SDCCAG8: variants seen among roughly 807,000 people sequenced by gnomAD.
SDCCAG8 encodes SHH signaling and ciliogenesis regulator SDCCAG8.
Under a neutral mutation model 101.8 loss-of-function variants are expected in SDCCAG8, and 74 were observed. The ratio of observed to expected loss-of-function variants is 0.73; its 90% CI spans 0.60 to 0.88. SDCCAG8 has a LOEUF of 0.88. Ranked by LOEUF, SDCCAG8 falls within the 40% of genes least tolerant of loss-of-function variation. The pLI, the probability that SDCCAG8 is intolerant of heterozygous loss-of-function variation, is 0.00. For synonymous variants in SDCCAG8, 281 were observed against 292.9 expected (o/e 0.96, Z 0.41); for missense variants, 787 against 822.6 (o/e 0.96, Z 0.53).
At position 243,426,506 on chromosome 1, in the gene SDCCAG8, T is replaced by A. The variant is rs181033600; in HGVS notation, c.1933T>A (p.Leu645Met). 6.2e-7 allele frequency: 1 copy of A among 1,613,920 alleles called. No homozygotes were observed. Among genetic ancestry groups the A allele is most frequent in the African/African-American group, 1.3e-5 (1 of 75,018 alleles). The change falls in exon 16 of 18, where the codon TTG (leucine) becomes ATG (methionine). Residue 645 changes from leucine (L) to methionine (M), a missense_variant. Leu to Met is a conservative substitution (Grantham distance 15). Coordinates refer to ENST00000366541, the MANE Select transcript of SDCCAG8 (RefSeq NM_006642.5). ...LGKLQRRNEE[L>M]EEQCVQHGRV... ...AAAGTTACAGAGAAGAAATGAAGAATTGGAGGAACAGTGTGTCCAGCATGG... is the reference window on the plus strand; with the variant it reads ...AAAGTTACAGAGAAGAAATGAAGAAATGGAGGAACAGTGTGTCCAGCATGG...
rs1171575226 is a variant in SDCCAG8 at position 243,307,802 on chromosome 1, C to T, written c.741-187C>T. On this transcript the variant is annotated intron_variant, in intron 7 of 17. Coordinates refer to ENST00000366541, the MANE Select transcript of SDCCAG8 (RefSeq NM_006642.5). ...TTTATTCCAGTCTCATCATATTCAA[C>T]GTGTCAATTAGAATCACCACACCAA... 14 of 1,450,918 alleles carry T rather than the reference C, an allele frequency of 9.6e-6. No homozygotes were observed. In the South Asian group the frequency reaches 1.6e-4, roughly 17 times the overall value. The allele number at this position is 1,450,918 out of a possible 1,614,324, so 89.9% of individuals were successfully genotyped here.
At chr1:243,292,249 C>A (rs1375011316) in intron 5 of SDCCAG8, among the ~76,000 whole-genome samples, 1 of 152,106 alleles carries the variant, frequency 6.6e-6, no homozygotes, top group African/African-American at 2.4e-5. Flanking sequence ...GTCCTTTCCC[C>A]CCTTGAGGTG....
chr1:243,354,217 C>G (rs1388362285), intron 12 of SDCCAG8, among the ~76,000 whole-genome samples: 2 of 152,172 alleles, frequency 1.3e-5, no homozygotes, highest in Non-Finnish European at 1.5e-5. Flanking sequence ...TTTCTAGAAA[C>G]ACAGGAAGTA....
chr1:243,478,687 T>C (rs988308558), intron 16 of SDCCAG8, among the ~76,000 whole-genome samples: 1 of 151,928 alleles, frequency 6.6e-6, no homozygotes, highest in Admixed American at 6.6e-5. Flanking sequence ...TAAAAGTGCG[T>C]TAATGTCACG....
At chr1:243,415,964 C>A (rs536032749) in intron 14 of SDCCAG8, 135 bp downstream of exon 14, 10 of 994,552 alleles carry the variant, frequency 1.0e-5, no homozygotes, top group Non-Finnish European at 1.5e-5. Flanking sequence ...ACCGGAGATT[C>A]CGAATTACAT....
rs563157195 is a variant in SDCCAG8 at position 243,321,045 on chromosome 1, A to T, written c.1068+4152A>T. On this transcript the variant is annotated intron_variant, in intron 9 of 17. Coordinates refer to ENST00000366541, the MANE Select transcript of SDCCAG8 (RefSeq NM_006642.5). ...TGGGCTATGTAACTCTTTGCTTTGG[A>T]TGCTGTTCTGCACATTGTAGGATGT... Among the ~76,000 whole-genome samples the T allele has an allele frequency of 1.6e-4, 24 of 152,172 alleles. No individual in the cohort carries two copies. In the South Asian group the frequency reaches 5.0e-3, roughly 32 times the overall value.
intron 16 of SDCCAG8, among the ~76,000 whole-genome samples, chr1:243,476,965 A>T (rs914843807): frequency 2.6e-5 from 4 of 151,584 alleles, no homozygotes; most frequent in African/African-American, 7.3e-5. Context: ...ATAAAAGGGC[A>T]ATGGTGCATG....
chr1:243,406,438 A>G (rs999071990), intron 13 of SDCCAG8, among the ~76,000 whole-genome samples: 1 of 152,218 alleles, frequency 6.6e-6, no homozygotes, highest in Non-Finnish European at 1.5e-5. Flanking sequence ...CAGTCTCAGT[A>G]TCTACCTATG....
At chr1:243,480,496 T>G (rs1421270489) in intron 16 of SDCCAG8, among the ~76,000 whole-genome samples, 4 of 48,704 alleles carry the variant, frequency 8.2e-5, no homozygotes, top group Admixed American at 3.1e-4. Flanking sequence ...ATGGGTGGGA[T>G]GGATGGATGG....
chr1:243,477,029 C>CAGAGAG (rs1387945191), intron 16 of SDCCAG8, among the ~76,000 whole-genome samples: 1 of 145,498 alleles, frequency 6.9e-6, no homozygotes, highest in African/African-American at 2.7e-5. Context: ...CACACACACA[C>CAGAGAG]ACACAGAGAG....
chr1:243,483,873 G>A (rs144945716), intron 16 of SDCCAG8, among the ~76,000 whole-genome samples: 52 of 152,214 alleles, frequency 3.4e-4, no homozygotes, highest in Non-Finnish European at 1.6e-4. Flanking sequence ...CTGCAGAAGA[G>A]CTTCTCAGCT....
intron 10 of SDCCAG8, 44 bp downstream of exon 10, chr1:243,330,736 T>C (rs761353012): frequency 6.2e-7 from 1 of 1,601,792 alleles, no homozygotes; most frequent in Non-Finnish European, 8.6e-7. Flanking sequence ...GAAGAAAGGT[T>C]TTTTATGATG....
chr1:243,373,787 G>A (rs1052556866), intron 12 of SDCCAG8, among the ~76,000 whole-genome samples: 1 of 152,112 alleles, frequency 6.6e-6, no homozygotes, highest in Non-Finnish European at 1.5e-5. Flanking sequence ...GGAGATGGGA[G>A]TGAATATTTG....
intron 17 of SDCCAG8, among the ~76,000 whole-genome samples, chr1:243,492,207 C>T (rs1020453062): frequency 5.3e-5 from 8 of 151,188 alleles, no homozygotes; most frequent in East Asian, 1.9e-4. Context: ...CTTTTGGCCA[C>T]GAGAACCCCC....
At chr1:243,382,695 T>C (rs1254986882) in intron 13 of SDCCAG8, among the ~76,000 whole-genome samples, 2 of 152,138 alleles carry the variant, frequency 1.3e-5, no homozygotes, top group South Asian at 2.1e-4. Flanking sequence ...ATTGAAGAGC[T>C]TTGTGAAAAA....
chr1:243,273,329 G>A (rs910740231), intron 3 of SDCCAG8, among the ~76,000 whole-genome samples: 2 of 151,996 alleles, frequency 1.3e-5, no homozygotes, highest in African/African-American at 4.8e-5. Flanking sequence ...TTAACTGGTT[G>A]ACCCTTGTTT....
At chr1:243,367,245 T>C (rs1306754709) in intron 12 of SDCCAG8, among the ~76,000 whole-genome samples, 1 of 152,154 alleles carries the variant, frequency 6.6e-6, no homozygotes, top group Non-Finnish European at 1.5e-5. Flanking sequence ...TTCATTTTTA[T>C]TCGCCATTGG....
At chr1:243,402,978 T>C (rs1309111497) in intron 13 of SDCCAG8, among the ~76,000 whole-genome samples, 7 of 152,200 alleles carry the variant, frequency 4.6e-5, no homozygotes, top group Non-Finnish European at 1.0e-4. Flanking sequence ...TAAGTTCTTC[T>C]ATATCTTACT....
rs914093079 is a variant in SDCCAG8, at chr1:243,474,857, C to T, written c.1986-14157C>T. ...CCGTCAACGGAATTTCACTCAACTC[C>T]GAGACTGAAGCATTTTATTGGCAGC... is the stretch of plus-strand genomic sequence containing the variant. On this transcript the variant is annotated intron_variant, in intron 16 of 17. Transcript: ENST00000366541. This position sits in a 1 kb window ranked among gnomAD's most constrained non-coding sequence, Gnocchi z 4.7. Among the ~76,000 whole-genome samples, 1 of 152,212 alleles carries T rather than the reference C, an allele frequency of 6.6e-6. No homozygotes were observed. The highest frequency in any genetic ancestry group is 2.4e-5 in the African/African-American group (1 of 41,456).
Sources: allele counts gnomAD v4.1 joint callset (sites outside exome capture counted in the v4.1 genomes callset), GRCh38; gene constraint gnomAD v4.1.1; non-coding constraint Gnocchi (gnomAD v3.1); transcripts MANE v1.5; gene names NCBI Gene and HGNC (gene_info 2026-07-23, HGNC 2026-07-21).